The following LMCD1 variants were observed in gnomAD, a reference collection of about 807,000 sequenced individuals.
LMCD1 encodes LIM and cysteine-rich domains protein 1.
A neutral mutation model predicts 42.7 loss-of-function variants in LMCD1; 32 were observed. That is an observed-to-expected ratio of 0.75 (90% CI 0.57 to 1.01). The LOEUF is 1.01. Among genes scored for constraint, LMCD1 ranks in the 50% least tolerant of loss-of-function variants. The pLI, the probability that LMCD1 is intolerant of heterozygous loss-of-function variation, is 0.00. For missense variants in LMCD1, 458 were observed against 483.1 expected (o/e 0.95, Z 0.49); for synonymous variants, 178 against 184.9 (o/e 0.96, Z 0.30).
At chr3:8,503,944 A>T (rs965078308) in intron 1 of LMCD1, among the ~76,000 whole-genome samples, 11 of 151,942 alleles carry the variant, frequency 7.2e-5, no homozygotes, top group African/African-American at 1.2e-4. Context: ...CCTTGTTTTT[A>T]TTTTCCTTTG....
intron 5 of LMCD1, among the ~76,000 whole-genome samples, chr3:8,566,897 T>C (rs1317347133): frequency 2.0e-5 from 3 of 152,212 alleles, no homozygotes; most frequent in African/African-American, 7.2e-5. Flanking sequence ...TTGCCCAAAG[T>C]CACAAAGCTG....
intron 1 of LMCD1, among the ~76,000 whole-genome samples, chr3:8,508,115 C>T (rs918610523): frequency 6.6e-5 from 10 of 152,118 alleles, no homozygotes; most frequent in Non-Finnish European, 1.5e-4. Context: ...GGACATCTCC[C>T]GGCAGAAGAC....
In LMCD1 at chr3:8,532,722, C is replaced by T; in HGVS notation, c.43-15C>T. On this transcript the variant is annotated splice_polypyrimidine_tract_variant and intron_variant, in intron 1 of 5. Coordinates refer to ENST00000157600, the MANE Select transcript of LMCD1 (RefSeq NM_014583.4). The stretch of plus-strand genomic sequence containing the variant: ...GTTTGGAAGGAAAACACCCTCTTTT[C>T]TGTTCCTTTTCCAGATGTCCCTGGG... The T allele has an allele frequency of 6.2e-7, 1 of 1,612,432 alleles. No individual in the cohort carries two copies. Among genetic ancestry groups the T allele is most frequent in the Non-Finnish European group, 8.5e-7 (1 of 1,178,590 alleles).
intron 1 of LMCD1, among the ~76,000 whole-genome samples, chr3:8,524,953 G>A (rs1003889860): frequency 1.3e-5 from 2 of 152,078 alleles, no homozygotes; most frequent in African/African-American, 4.8e-5. Flanking sequence ...CCAAAGTGCT[G>A]AGATTATAGA....
At chr3:8,503,777 C>T (rs531616209) in intron 1 of LMCD1, among the ~76,000 whole-genome samples, 1 of 152,110 alleles carries the variant, frequency 6.6e-6, no homozygotes, top group African/African-American at 2.4e-5. Context: ...CAGAATAGTT[C>T]ACGGCTAAAG....
At chr3:8,551,516 A>G (rs929889467) in intron 4 of LMCD1, among the ~76,000 whole-genome samples, 1 of 152,352 alleles carries the variant, frequency 6.6e-6, no homozygotes, top group East Asian at 1.9e-4. Context: ...CACGGTTTCT[A>G]TGGGGCAGAA....
At position 8,570,400 on chromosome 3, in the gene LMCD1, G is replaced by T. The variant is rs355130; in HGVS notation, c.*2802G>T. The T allele has an allele frequency of 0.73, 111,090 of 152,116 alleles. 41,277 individuals are homozygous for T. Among genetic ancestry groups the T allele is most frequent in the Admixed American group, 0.8 (12,198 of 15,284 alleles). 9.4% of individuals were successfully genotyped at this position (152,116 alleles called of 1,614,324 possible). A position where few individuals can be genotyped will look rare whatever the true frequency, so the allele number is the denominator to read the frequency against. ...CCCCAGCACAATGCATGATTGACTT[G>T]GTCCACTGGGTCACACCATCATGGA... On this transcript the variant is annotated 3_prime_UTR_variant, in exon 6 of 6. Transcript: ENST00000157600.
rs1287298354 is a variant in LMCD1, at chr3:8,548,822, G to A, written c.642G>A (p.Gln214=). The change falls in exon 4 of 6, where the codon CAG becomes CAA. Residue 214 remains glutamine (Q), a synonymous_variant. Transcript: ENST00000157600. The stretch of plus-strand genomic sequence containing the variant: ...GCTTGCCCAAGGAGGAGGGGAAGCA[G>A]CAGGAAAAGCCAGAGGGGGCAGAGA... ...QGGLPKEEGK[Q]QEKPEGAETT... 1 of 1,603,166 alleles carries A rather than the reference G, an allele frequency of 6.2e-7. No individual in the cohort carries two copies.
rs1428361455 is a variant in LMCD1 at position 8,508,519 on chromosome 3, G to A, written c.42+6539G>A. Among the ~76,000 whole-genome samples the A allele has an allele frequency of 3.3e-5, 5 of 152,240 alleles. No individual in the cohort carries two copies. The East Asian group carries it at 9.6e-4, about 29-fold the overall frequency. ...CTGTTTAAAAAATATTGAATCCTTT[G>A]TAAAATTTATCTCTGGAGACAAAGG... is the stretch of plus-strand genomic sequence containing the variant. On this transcript the variant is annotated intron_variant, in intron 1 of 5. Coordinates refer to ENST00000157600, the MANE Select transcript of LMCD1 (RefSeq NM_014583.4).
At chr3:8,554,257 G>A (rs1400946111) in intron 4 of LMCD1, among the ~76,000 whole-genome samples, 5 of 152,132 alleles carry the variant, frequency 3.3e-5, no homozygotes, top group South Asian at 4.1e-4. Flanking sequence ...ACCCTGGGGC[G>A]CAGTGAGGTT....
At chr3:8,519,630 A>AGT (rs1694161306) in intron 1 of LMCD1, among the ~76,000 whole-genome samples, 1 of 152,136 alleles carries the variant, frequency 6.6e-6, no homozygotes, top group Admixed American at 6.5e-5. Context: ...GCAGAATCCA[A>AGT]GTATATATAG....
At chr3:8,555,404 C>T (rs990820571) in intron 4 of LMCD1, among the ~76,000 whole-genome samples, 1 of 152,166 alleles carries the variant, frequency 6.6e-6, no homozygotes, top group Admixed American at 6.5e-5. Context: ...ACTTAGTGAG[C>T]CCCATCTGAG....
At chr3:8,505,908 C>T (rs772935153) in intron 1 of LMCD1, among the ~76,000 whole-genome samples, 2 of 152,238 alleles carry the variant, frequency 1.3e-5, no homozygotes, top group African/African-American at 2.4e-5. Flanking sequence ...TTGTCGTTGG[C>T]TCTCTCAATC....
At chr3:8,543,774 T>G (rs1374875374) in intron 3 of LMCD1, among the ~76,000 whole-genome samples, 6 of 152,220 alleles carry the variant, frequency 3.9e-5, no homozygotes, top group Admixed American at 3.9e-4. Context: ...CTTAAAGTGC[T>G]CATTTCTAGG....
intron 2 of LMCD1, among the ~76,000 whole-genome samples, chr3:8,533,429 A>G (rs1419411581): frequency 6.6e-6 from 1 of 152,158 alleles, no homozygotes; most frequent in Non-Finnish European, 1.5e-5. Context: ...TCATGTCAGC[A>G]TCTATGTGGA....
intron 4 of LMCD1, among the ~76,000 whole-genome samples, chr3:8,557,474 T>C (rs1287881023): frequency 6.6e-6 from 1 of 152,120 alleles, no homozygotes; most frequent in Non-Finnish European, 1.5e-5. Context: ...ATAAGAGCCT[T>C]TTGGAGGAAA....
rs1695153073 is a variant in LMCD1 at position 8,567,732 on chromosome 3, A to G, written c.*134A>G. 1.2e-6 allele frequency: 1 copy of G among 858,260 alleles called. No homozygotes were observed. Among genetic ancestry groups the G allele is most frequent in the East Asian group, 2.6e-5 (1 of 38,442 alleles). The allele number at this position is 858,260 out of a possible 1,614,324, so 53.2% of individuals were successfully genotyped here. On this transcript the variant is annotated 3_prime_UTR_variant, in exon 6 of 6. Transcript: ENST00000157600. ...CAATGATTTGCTTTTCAGTGAGAAT[A>G]TATATATGAGATATATATAGATATA...
chr3:8,559,199 G>T (rs946085790), intron 4 of LMCD1, among the ~76,000 whole-genome samples: 39 of 152,166 alleles, frequency 2.6e-4, no homozygotes, highest in African/African-American at 9.4e-4. Flanking sequence ...TGGCAGGAAT[G>T]ACTTCCTGCT....
At chr3:8,561,450 A>G (rs566175470) in intron 4 of LMCD1, among the ~76,000 whole-genome samples, 25 of 152,280 alleles carry the variant, frequency 1.6e-4, no homozygotes, top group African/African-American at 6.0e-4. Context: ...TCTTGGGAGA[A>G]AACATTTCAC....
Sources: gnomAD v4.1 joint callset for allele counts (sites outside exome capture counted in the v4.1 genomes callset) on GRCh38, gnomAD v4.1.1 for gene constraint, MANE v1.5 for transcripts, NCBI Gene and HGNC (gene_info 2026-07-23, HGNC 2026-07-21) for gene names.